Variants in SPOCK1 observed in about 807,000 individuals in gnomAD.
SPOCK1 encodes the protein SPARC (osteonectin), cwcv and kazal like domains proteoglycan 1, also known as testican-1.
Under a neutral mutation model 55.3 loss-of-function variants are expected in SPOCK1, and 23 were observed. The observed-to-expected ratio is 0.42, with a 90% CI of 0.30 to 0.59. The LOEUF is 0.59. SPOCK1 is among the 20% of genes least tolerant of loss of function. The probability of loss-of-function intolerance (pLI) is 0.22; values close to 1 mark genes in which losing one functional copy is unlikely to be tolerated. For missense variants in SPOCK1, 499 were observed against 552.5 expected, an observed-to-expected ratio of 0.90 and a Z score of 0.97; for synonymous variants, 226 against 221.0, an observed-to-expected ratio of 1.02 and a Z score of -0.20.
chr5:137,334,825 A>G (rs1356381349), intron 2 of SPOCK1, among the ~76,000 whole-genome samples: 1 of 150,100 alleles, frequency 6.7e-6, no homozygotes, highest in Non-Finnish European at 1.5e-5. Context: ...CACAGCCTTC[A>G]GACTGTGGTT....
chr5:137,432,002 G>T (rs1752756449), intron 2 of SPOCK1, among the ~76,000 whole-genome samples: 2 of 152,216 alleles, frequency 1.3e-5, no homozygotes, highest in African/African-American at 2.4e-5. Context: ...CACATGAAAA[G>T]ATAATAACCA....
intron 2 of SPOCK1, among the ~76,000 whole-genome samples, chr5:137,336,615 T>C (rs1210176247): frequency 1.3e-5 from 2 of 152,068 alleles, no homozygotes; most frequent in African/African-American, 4.8e-5. Flanking sequence ...CCCCCTTAAT[T>C]CTCTAGCTCC....
chr5:137,170,984 C>T (rs1754743869), intron 3 of SPOCK1, among the ~76,000 whole-genome samples: 1 of 152,026 alleles, frequency 6.6e-6, no homozygotes, highest in East Asian at 1.9e-4. Context: ...GAGACTATGC[C>T]CACAGTTAAC....
intron 2 of SPOCK1, among the ~76,000 whole-genome samples, chr5:137,317,339 T>C (rs531539260): frequency 4.6e-5 from 7 of 152,300 alleles, no homozygotes; most frequent in African/African-American, 1.7e-4. Context: ...CTCCTGGCCA[T>C]GGAGTAAGGG....
intron 2 of SPOCK1, among the ~76,000 whole-genome samples, chr5:137,332,397 A>G (rs1013107031): frequency 6.6e-6 from 1 of 151,732 alleles, no homozygotes; most frequent in Non-Finnish European, 1.5e-5. Flanking sequence ...CACCCCGAGA[A>G]CTCTGTGTGC....
At chr5:137,185,088 C>A (rs189310766) in intron 3 of SPOCK1, among the ~76,000 whole-genome samples, 133 of 152,018 alleles carry the variant, frequency 8.7e-4, no homozygotes, top group African/African-American at 3.1e-3. Flanking sequence ...AATGAAATGA[C>A]AAACAAAAGG....
At chr5:137,010,825 T>C (rs530743610) in intron 6 of SPOCK1, among the ~76,000 whole-genome samples, 12 of 152,240 alleles carry the variant, frequency 7.9e-5, no homozygotes, top group Admixed American at 6.5e-4. Context: ...GGTTTATAGA[T>C]TGTTGCTATC....
chr5:137,132,092 G>A (rs183936153), intron 4 of SPOCK1, among the ~76,000 whole-genome samples: 64 of 133,732 alleles, frequency 4.8e-4, no homozygotes, highest in African/African-American at 1.2e-3. Context: ...GGAAAATGGC[G>A]TGAACCAGGG....
At chr5:137,086,526 T>C (rs1301069954) in intron 5 of SPOCK1, among the ~76,000 whole-genome samples, 1 of 152,100 alleles carries the variant, frequency 6.6e-6, no homozygotes, top group Non-Finnish European at 1.5e-5. Flanking sequence ...CAGAGCATCG[T>C]GTACAGAACC....
chr5:137,147,733 C>T (rs941509958), intron 3 of SPOCK1, among the ~76,000 whole-genome samples: 1 of 152,152 alleles, frequency 6.6e-6, no homozygotes, highest in Non-Finnish European at 1.5e-5. Flanking sequence ...GGAGCTTCAA[C>T]GTGGGAATTT....
chr5:137,213,042 A>T (rs766804868), intron 3 of SPOCK1, among the ~76,000 whole-genome samples: 8 of 152,114 alleles, frequency 5.3e-5, no homozygotes, highest in Non-Finnish European at 1.0e-4. Flanking sequence ...ATCACTGTGG[A>T]TCCTTTCAGG....
At chr5:137,166,999 A>T (rs1188425797) in intron 3 of SPOCK1, among the ~76,000 whole-genome samples, 1 of 152,018 alleles carries the variant, frequency 6.6e-6, no homozygotes, top group Non-Finnish European at 1.5e-5. Flanking sequence ...AGTGGACTAA[A>T]CTCTCCAATG....
At chr5:137,141,751 G>A (rs901707269) in intron 3 of SPOCK1, among the ~76,000 whole-genome samples, 33 of 152,216 alleles carry the variant, frequency 2.2e-4, no homozygotes, top group African/African-American at 7.7e-4. Context: ...CCGGCACAGA[G>A]AGTGTAGGGA....
Position 137,352,504 on chromosome 5 carries a change from T to G in SPOCK1, c.187-85449A>C, listed in dbSNP as rs1406556780. Among the ~76,000 whole-genome samples, 3 of 152,204 alleles carry G rather than the reference T, an allele frequency of 2.0e-5. No homozygotes were observed. In the East Asian group the frequency reaches 5.8e-4, roughly 29 times the overall value. On this transcript the variant is annotated intron_variant, in intron 2 of 10. Coordinates refer to ENST00000394945, the MANE Select transcript of SPOCK1 (RefSeq NM_004598.4). ...TTTTCACCAAGTTGTTATCAATCTT[T>G]TTTGCATATGACTGTCCTTCCCTGG...
At position 137,328,033 on chromosome 5, in the gene SPOCK1, G is replaced by A. The variant is rs187044110; in HGVS notation, c.187-60978C>T. ...TGTGAAGCCATTTAAGGTGGAAACAGCAGCAGCTCATCACAGCCTTTGCTG... is the reference window on the plus strand; with the variant it reads ...TGTGAAGCCATTTAAGGTGGAAACAACAGCAGCTCATCACAGCCTTTGCTG... On this transcript the variant is annotated intron_variant, in intron 2 of 10. Transcript: ENST00000394945. 4.9e-3 allele frequency among the ~76,000 whole-genome samples: 750 copies of A among 152,334 alleles called. 10 individuals carry two copies. The highest frequency in any genetic ancestry group is 0.017 in the Middle Eastern group (5 of 294).
At chr5:137,309,343 C>T (rs1037903244) in intron 2 of SPOCK1, among the ~76,000 whole-genome samples, 4 of 152,172 alleles carry the variant, frequency 2.6e-5, no homozygotes, top group Admixed American at 1.3e-4. Flanking sequence ...CTCAGGGTCC[C>T]AGGTGCCAGG....
At chr5:137,148,163 G>A (rs1330326291) in intron 3 of SPOCK1, among the ~76,000 whole-genome samples, 1 of 152,086 alleles carries the variant, frequency 6.6e-6, no homozygotes, top group Non-Finnish European at 1.5e-5. Context: ...CATGGCCAGG[G>A]TCCAGAGCAG....
chr5:137,083,074 A>G (rs563571775), intron 5 of SPOCK1, among the ~76,000 whole-genome samples: 40 of 152,274 alleles, frequency 2.6e-4, no homozygotes, highest in Admixed American at 7.8e-4. Context: ...AACAAAATAG[A>G]ACGGCTCCTG....
chr5:137,399,481 A>G (rs750440868), intron 2 of SPOCK1, among the ~76,000 whole-genome samples: 2 of 152,148 alleles, frequency 1.3e-5, no homozygotes, highest in African/African-American at 4.8e-5. Context: ...AGATAAGTAT[A>G]TACTCATGAA....
Sources: allele counts gnomAD v4.1 joint callset (sites outside exome capture counted in the v4.1 genomes callset), GRCh38; gene constraint gnomAD v4.1.1; transcripts MANE v1.5; gene names NCBI Gene and HGNC (gene_info 2026-07-23, HGNC 2026-07-21).